Variants in ADCK2 observed in about 807,000 individuals in gnomAD.
ADCK2 encodes the protein uncharacterized aarF domain-containing protein kinase 2.
Under a neutral mutation model 52.3 loss-of-function variants are expected in ADCK2, and 37 were observed. The ratio of observed to expected loss-of-function variants is 0.71; its 90% CI spans 0.54 to 0.93. The LOEUF (loss-of-function observed/expected upper bound fraction) is 0.93, where lower values mean the gene tolerates loss of function less well. Ranked by LOEUF, ADCK2 falls within the 40% of genes least tolerant of loss-of-function variation. ADCK2 has a pLI of 0.00. For missense variants in ADCK2, 695 were observed against 798.7 expected (o/e 0.87, Z 1.56); for synonymous variants, 321 against 349.2 (o/e 0.92, Z 0.90).
intron 4 of ADCK2, among the ~76,000 whole-genome samples, chr7:140,682,480 G>A (rs1794533373): frequency 6.6e-6 from 1 of 152,094 alleles, no homozygotes; most frequent in Non-Finnish European, 1.5e-5. Flanking sequence ...GGAGGTGAGA[G>A]GAGGCTGAGG....
intron 4 of ADCK2, among the ~76,000 whole-genome samples, chr7:140,684,775 C>T (rs1794577827): frequency 1.3e-5 from 2 of 152,194 alleles, no homozygotes; most frequent in South Asian, 4.1e-4. Flanking sequence ...CCTAATTCCA[C>T]TCCACCCCAG....
At chr7:140,682,714 G>A (rs1794536068) in intron 4 of ADCK2, among the ~76,000 whole-genome samples, 1 of 151,728 alleles carries the variant, frequency 6.6e-6, no homozygotes. Flanking sequence ...TTTTGGCTGG[G>A]TGCAGTGGCT....
chr7:140,692,576 C>T (rs1794727342), intron 7 of ADCK2, among the ~76,000 whole-genome samples: 1 of 152,224 alleles, frequency 6.6e-6, no homozygotes, highest in Non-Finnish European at 1.5e-5. Flanking sequence ...CCAGGCTGGT[C>T]TCGAACTCCT....
intron 5 of ADCK2, among the ~76,000 whole-genome samples, chr7:140,689,095 G>T (rs983013838): frequency 6.6e-6 from 1 of 151,824 alleles, no homozygotes; most frequent in African/African-American, 2.4e-5. Flanking sequence ...AGCCTCCCAG[G>T]TAGCTGGGAT....
In ADCK2 at chr7:140,674,544, C is replaced by A; in HGVS notation, c.934-67C>A. On this transcript the variant is annotated intron_variant, in intron 1 of 7. Coordinates refer to ENST00000072869, the MANE Select transcript of ADCK2 (RefSeq NM_052853.4). This position sits in a 1 kb window ranked among gnomAD's most constrained non-coding sequence, Gnocchi z 4.6. ...CCTGGCTCTTGCTTGGATGGTGGGA[C>A]CCAGCCCTGGCTGGGTAAAATGTGT... 6.4e-7 allele frequency: 1 copy of A among 1,551,354 alleles called. No homozygotes were observed. The highest frequency in any genetic ancestry group is 8.7e-7 in the Non-Finnish European group (1 of 1,147,198).
At chr7:140,685,808 C>G (rs1794596122) in intron 4 of ADCK2, among the ~76,000 whole-genome samples, 1 of 152,282 alleles carries the variant, frequency 6.6e-6, no homozygotes, top group South Asian at 2.1e-4. Flanking sequence ...TCCTCTCATC[C>G]CCCGTGGAAG....
chr7:140,682,172 T>C (rs1794527583), intron 4 of ADCK2, among the ~76,000 whole-genome samples: 1 of 152,156 alleles, frequency 6.6e-6, no homozygotes, highest in Admixed American at 6.5e-5. Context: ...TACTATTCCT[T>C]GGGAAGATAG....
At chr7:140,680,507 A>G (rs1585846166) in intron 3 of ADCK2, among the ~76,000 whole-genome samples, 1 of 146,786 alleles carries the variant, frequency 6.8e-6, no homozygotes, top group South Asian at 2.1e-4. Context: ...CCAGACCCCT[A>G]TTGGCTGATT....
At chr7:140,688,683 G>A (rs924011323) in intron 5 of ADCK2, among the ~76,000 whole-genome samples, 1 of 152,244 alleles carries the variant, frequency 6.6e-6, no homozygotes, top group African/African-American at 2.4e-5. Flanking sequence ...GCAGGCTGGT[G>A]AGATGCGACA....
intron 5 of ADCK2, 71 bp downstream of exon 5, chr7:140,687,312 G>A: frequency 1.3e-6 from 2 of 1,482,196 alleles, no homozygotes; most frequent in Non-Finnish European, 9.0e-7. Context: ...AAGCATGGTG[G>A]CTCAGACCTG....
intron 6 of ADCK2, among the ~76,000 whole-genome samples, chr7:140,690,103 A>G (rs1361097847): frequency 6.6e-6 from 1 of 152,172 alleles, no homozygotes; most frequent in East Asian, 1.9e-4. Context: ...AGCAAATGTG[A>G]CTGTTTTATC....
At chr7:140,684,007 G>A (rs984167706) in intron 4 of ADCK2, among the ~76,000 whole-genome samples, 3 of 152,184 alleles carry the variant, frequency 2.0e-5, no homozygotes, top group Non-Finnish European at 4.4e-5. Context: ...GGTTTAAAGA[G>A]AACACAGAGG....
intron 7 of ADCK2, among the ~76,000 whole-genome samples, chr7:140,691,644 G>A (rs1476414362): frequency 2.6e-5 from 4 of 152,208 alleles, no homozygotes; most frequent in African/African-American, 2.4e-5. Flanking sequence ...CCTAGTCTCC[G>A]GCACTCTTTA....
intron 7 of ADCK2, 77 bp downstream of exon 7, chr7:140,690,890 G>A (rs1794692650): frequency 1.5e-6 from 2 of 1,319,902 alleles, no homozygotes; most frequent in South Asian, 1.3e-5. Context: ...CAGGGTGGTG[G>A]GAGGCGCTTC....
chr7:140,684,701 A>G (rs780974668), intron 4 of ADCK2, among the ~76,000 whole-genome samples: 1 of 151,958 alleles, frequency 6.6e-6, no homozygotes, highest in Non-Finnish European at 1.5e-5. Flanking sequence ...GGCTGACAGC[A>G]CGCACGCACA....
chr7:140,690,741 CTTTAT>C lies in ADCK2; in HGVS notation c.1687-15_1687-11del. On this transcript the variant is annotated splice_polypyrimidine_tract_variant and intron_variant, in intron 6 of 7. Coordinates refer to ENST00000072869, the MANE Select transcript of ADCK2 (RefSeq NM_052853.4). The stretch of plus-strand genomic sequence containing the variant: ...GGAAGGCTCGGTGGTCTGCATTAGC[CTTTAT>C]TTTGTTTTTCCAGCTTCATGTGTCC... 6.2e-7 allele frequency: 1 copy of C among 1,611,918 alleles called. No individual in the cohort carries two copies. The highest frequency in any genetic ancestry group is 8.5e-7 in the Non-Finnish European group (1 of 1,179,274).
In ADCK2 at chr7:140,689,756, G is replaced by A. The variant is rs778577669; in HGVS notation, c.1686+31G>A. 3 of 1,590,008 alleles carry A rather than the reference G, an allele frequency of 1.9e-6. No individual in the cohort carries two copies. The South Asian group carries it at 3.4e-5, about 18-fold the overall frequency. On this transcript the variant is annotated intron_variant, in intron 6 of 7. Coordinates refer to ENST00000072869, the MANE Select transcript of ADCK2 (RefSeq NM_052853.4). ...CAGGTCACTTGCGGAACAGGGGCTG[G>A]GGAGTCCATACCTGGCCTGGGGCAG...
At position 140,673,053 on chromosome 7, in the gene ADCK2, G is replaced by C. The variant is rs1187425399; in HGVS notation, c.-278G>C. On this transcript the variant is annotated 5_prime_UTR_variant, in exon 1 of 8. Transcript: ENST00000072869. The surrounding 1 kb of genome is among the most constrained non-coding windows in gnomAD (Gnocchi z 6.4). ...CTCGCTCAGGTCGCGGGCGCCCGGG[G>C]CCTGGCTTCGCGTGGGTCCTGGCTC... is the stretch of plus-strand genomic sequence containing the variant. 4.9e-6 allele frequency: 1 copy of C among 204,320 alleles called. No individual in the cohort carries two copies. Among genetic ancestry groups the C allele is most frequent in the African/African-American group, 2.3e-5 (1 of 42,590 alleles). The allele number at this position is 204,320 out of a possible 1,614,324, so 12.7% of individuals were successfully genotyped here.
chr7:140,673,208 T>G lies in ADCK2; in HGVS notation c.-123T>G. 1 of 784,110 alleles carries G rather than the reference T, an allele frequency of 1.3e-6. No individual in the cohort carries two copies. The highest frequency in any genetic ancestry group is 1.8e-6 in the Non-Finnish European group (1 of 561,166). 48.6% of individuals were successfully genotyped at this position (784,110 alleles called of 1,614,324 possible). A position where few individuals can be genotyped will look rare whatever the true frequency, so the allele number is the denominator to read the frequency against. ...GGTGCTGGAGGGAGCGGGGCGCGGA[T>G]CCGGCCCAGATGGGCAGCTCCGTCC... On this transcript the variant is annotated 5_prime_UTR_variant, in exon 1 of 8. Coordinates refer to ENST00000072869, the MANE Select transcript of ADCK2 (RefSeq NM_052853.4). This position sits in a 1 kb window ranked among gnomAD's most constrained non-coding sequence, Gnocchi z 6.4.
Sources: allele counts gnomAD v4.1 joint callset (sites outside exome capture counted in the v4.1 genomes callset), GRCh38; gene constraint gnomAD v4.1.1; non-coding constraint Gnocchi (gnomAD v3.1); transcripts MANE v1.5; gene names NCBI Gene and HGNC (gene_info 2026-07-23, HGNC 2026-07-21).